Variants in SCN3A observed in about 807,000 individuals in gnomAD.
SCN3A encodes sodium channel protein type 3 subunit alpha.
A neutral mutation model predicts 187.6 loss-of-function variants in SCN3A; 60 were observed. The ratio of observed to expected loss-of-function variants is 0.32; its 90% CI spans 0.26 to 0.40. The LOEUF (loss-of-function observed/expected upper bound fraction) is 0.40. Among genes scored for constraint, SCN3A ranks in the 10% least tolerant of loss-of-function variants. The probability of loss-of-function intolerance (pLI) is 1.00; values close to 1 mark genes in which losing one functional copy is unlikely to be tolerated. For missense variants in SCN3A, 1,601 were observed against 2,428.2 expected, an observed-to-expected ratio of 0.66 and a Z score of 7.16; for synonymous variants, 788 against 829.2, an observed-to-expected ratio of 0.95 and a Z score of 0.85.
intron 3 of SCN3A, among the ~76,000 whole-genome samples, chr2:165,170,804 T>A (rs1329836696): frequency 6.6e-6 from 1 of 151,950 alleles, no homozygotes; most frequent in African/African-American, 2.4e-5. Context: ...TCTACACAAA[T>A]TTTTTTATGG....
chr2:165,167,614 GTTTC>G (rs1040594725), intron 5 of SCN3A, among the ~76,000 whole-genome samples: 1 of 151,998 alleles, frequency 6.6e-6, no homozygotes, highest in Non-Finnish European at 1.5e-5. Context: ...TAACCACTTT[GTTTC>G]ACTAAAAACT....
chr2:165,134,168 CT>C (rs901453949), intron 15 of SCN3A, among the ~76,000 whole-genome samples: 1 of 152,012 alleles, frequency 6.6e-6, no homozygotes, highest in Admixed American at 6.6e-5. Context: ...ACTTGAGTGG[CT>C]AGATAAATGT....
chr2:165,108,163 A>C (rs1440783026), intron 21 of SCN3A, among the ~76,000 whole-genome samples: 3 of 152,162 alleles, frequency 2.0e-5, no homozygotes, highest in African/African-American at 7.2e-5. Flanking sequence ...TAAGGCTCTT[A>C]ATTAGTGCCA....
intron 9 of SCN3A, among the ~76,000 whole-genome samples, chr2:165,160,436 G>T (rs937500856): frequency 2.6e-5 from 4 of 152,146 alleles, no homozygotes; most frequent in African/African-American, 9.7e-5. Context: ...AAAGGCTGGG[G>T]ACTGTTGATG....
chr2:165,090,654 C>T lies in SCN3A; in HGVS notation c.5499G>A (p.Gln1833=). 1 of 1,614,030 alleles carries T rather than the reference C, an allele frequency of 6.2e-7. No individual in the cohort carries two copies. Among genetic ancestry groups the T allele is most frequent in the Non-Finnish European group, 8.5e-7 (1 of 1,180,004 alleles). The change falls in exon 28 of 28, where the codon CAG becomes CAA. Residue 1833 remains glutamine (Q), a synonymous_variant. Coordinates refer to ENST00000283254, the MANE Select transcript of SCN3A (RefSeq NM_006922.4). The surrounding 1 kb of genome is among the most constrained non-coding windows in gnomAD (Gnocchi z 4.0). ...CCATGGGCAGATCCATGGCAATAAG[C>T]TGGACTTTGTTGGGTTTTGCTATGA... ...PLLIAKPNKV[Q]LIAMDLPMVS... is the part of the protein sequence containing the mutation.
chr2:165,186,194 C>T (rs971901463), intron 2 of SCN3A, among the ~76,000 whole-genome samples: 6 of 151,856 alleles, frequency 4.0e-5, no homozygotes, highest in Admixed American at 6.6e-5. Flanking sequence ...GGCGTGAACC[C>T]GGGAGGCAGA....
chr2:165,108,958 A>G (rs1685986311), intron 21 of SCN3A, among the ~76,000 whole-genome samples: 1 of 152,092 alleles, frequency 6.6e-6, no homozygotes, highest in Non-Finnish European at 1.5e-5. Context: ...CTTCATCTTC[A>G]TTATTTTCTG....
chr2:165,155,172 A>G (rs1469602830), intron 10 of SCN3A, among the ~76,000 whole-genome samples: 1 of 152,150 alleles, frequency 6.6e-6, no homozygotes, highest in Non-Finnish European at 1.5e-5. Flanking sequence ...AACTTCTAAG[A>G]GTCATGAGCA....
chr2:165,129,056 A>AT (rs2105768154), intron 17 of SCN3A, among the ~76,000 whole-genome samples: 1 of 152,252 alleles, frequency 6.6e-6, no homozygotes, highest in South Asian at 2.1e-4. Context: ...TCTGTATCAG[A>AT]TTTTTTCAGA....
chr2:165,116,760 C>T (rs10201126), intron 18 of SCN3A, among the ~76,000 whole-genome samples: 1 of 152,008 alleles, frequency 6.6e-6, no homozygotes, highest in African/African-American at 2.4e-5. Context: ...ATGATACTTT[C>T]TGTGGTGTTA....
At chr2:165,191,087 A>T in intron 1 of SCN3A, among the ~76,000 whole-genome samples, 1 of 147,066 alleles carries the variant, frequency 6.8e-6, no homozygotes, top group Non-Finnish European at 1.5e-5. Context: ...TTCAGGTTAG[A>T]AACATGTATA....
At chr2:165,130,879 A>G (rs1267182891) in intron 16 of SCN3A, among the ~76,000 whole-genome samples, 11 of 152,130 alleles carry the variant, frequency 7.2e-5, no homozygotes, top group Non-Finnish European at 1.6e-4. Context: ...TTGCTTTAAA[A>G]CAGTCCCCAT....
At chr2:165,149,248 T>C (rs1688536657) in intron 11 of SCN3A, among the ~76,000 whole-genome samples, 1 of 151,812 alleles carries the variant, frequency 6.6e-6, no homozygotes, top group African/African-American at 2.4e-5. Flanking sequence ...TGATCTCGGC[T>C]CACTGCAACC....
rs961223907 is a variant in SCN3A at position 165,146,966 on chromosome 2, A to G, written c.1444T>C (p.Leu482=). 7.4e-6 allele frequency: 12 copies of G among 1,613,922 alleles called. No homozygotes were observed. The highest frequency in any genetic ancestry group is 4.0e-5 in the African/African-American group (3 of 74,914). ...TTTGATGCTTCTGAAGAACTTTCCA[A>G]CAGCTCTCCTAACCCACCTATTCCA... The part of the protein sequence containing the change: ...FSGIGGLGEL[L]ESSSEASKLS... Residue 482 remains leucine, a synonymous_variant, in exon 12 of 28, where the codon TTG becomes CTG. Transcript: ENST00000283254.
At chr2:165,120,591 C>G (rs1269823118) in intron 18 of SCN3A, among the ~76,000 whole-genome samples, 2 of 151,948 alleles carry the variant, frequency 1.3e-5, no homozygotes, top group Non-Finnish European at 2.9e-5. Context: ...CCTTTAAAAT[C>G]TAGCCATTTC....
intron 21 of SCN3A, among the ~76,000 whole-genome samples, chr2:165,110,879 G>C (rs755386617): frequency 1.1e-4 from 16 of 152,052 alleles, no homozygotes; most frequent in Non-Finnish European, 2.2e-4. Flanking sequence ...GTCTGTGTTA[G>C]GTGTACAAGG....
chr2:165,101,452 A>G (rs957178133), intron 21 of SCN3A, among the ~76,000 whole-genome samples: 1 of 152,098 alleles, frequency 6.6e-6, no homozygotes, highest in Admixed American at 6.5e-5. Context: ...CCCCACCCAC[A>G]ACAACAAAAG....
chr2:165,122,703 G>A (rs1240267457), intron 18 of SCN3A: 1 of 152,182 alleles, frequency 6.6e-6, no homozygotes, highest in African/African-American at 2.4e-5. Context: ...GAGCAGCTGG[G>A]CAAGTCTAGC....
intron 21 of SCN3A, among the ~76,000 whole-genome samples, chr2:165,108,700 T>C (rs1335169423): frequency 1.3e-5 from 2 of 152,196 alleles, no homozygotes; most frequent in Non-Finnish European, 2.9e-5. Context: ...AATTAAATTA[T>C]GTATTTACTT....
Sources: allele counts gnomAD v4.1 joint callset (sites outside exome capture counted in the v4.1 genomes callset), GRCh38; gene constraint gnomAD v4.1.1; non-coding constraint Gnocchi (gnomAD v3.1); transcripts MANE v1.5; gene names NCBI Gene and HGNC (gene_info 2026-07-23, HGNC 2026-07-21).